The following TCF4 variants were observed in gnomAD, a reference collection of about 807,000 sequenced individuals.
The protein encoded by TCF4 is transcription factor 4.
A neutral mutation model predicts 82.1 loss-of-function variants in TCF4; 3 were observed. That is an observed-to-expected ratio of 0.04 (90% CI 0.02 to 0.09). The LOEUF (loss-of-function observed/expected upper bound fraction) is 0.09, where lower values mean the gene tolerates loss of function less well. Among genes scored for constraint, TCF4 ranks in the 10% least tolerant of loss-of-function variants. The pLI, the probability that TCF4 is intolerant of heterozygous loss-of-function variation, is 1.00. For missense variants in TCF4, 518 were observed against 852.7 expected, an observed-to-expected ratio of 0.61 and a Z score of 4.89; for synonymous variants, 276 against 309.6, an observed-to-expected ratio of 0.89 and a Z score of 1.14.
intron 3 of TCF4, among the ~76,000 whole-genome samples, chr18:55,490,883 A>G (rs1446253134): frequency 2.6e-5 from 4 of 152,244 alleles, no homozygotes. Context: ...TAGAAAAGGA[A>G]TGACTGAGAA....
chr18:55,388,893 G>A (rs2092826166), intron 6 of TCF4, among the ~76,000 whole-genome samples: 1 of 152,094 alleles, frequency 6.6e-6, no homozygotes. Flanking sequence ...GGAGGCCGAG[G>A]CGGGTGGATC....
intron 2 of TCF4, among the ~76,000 whole-genome samples, chr18:55,604,219 GT>G (rs1470383541): frequency 7.4e-5 from 11 of 147,806 alleles, no homozygotes; most frequent in Middle Eastern, 3.4e-3. Flanking sequence ...CACTTCATCA[GT>G]TTTTTGTTTT....
chr18:55,558,267 A>G (rs886636016), intron 3 of TCF4, among the ~76,000 whole-genome samples: 3 of 152,154 alleles, frequency 2.0e-5, no homozygotes, highest in African/African-American at 7.2e-5. Context: ...TTGTATCTCC[A>G]ACCAAAATGT....
At chr18:55,524,066 A>C (rs2096956895) in intron 3 of TCF4, among the ~76,000 whole-genome samples, 1 of 152,158 alleles carries the variant, frequency 6.6e-6, no homozygotes, top group African/African-American at 2.4e-5. Flanking sequence ...ATATTTACAT[A>C]GAAAAGGTCA....
intron 8 of TCF4, among the ~76,000 whole-genome samples, chr18:55,346,000 T>C (rs970555119): frequency 6.6e-6 from 1 of 152,156 alleles, no homozygotes; most frequent in Non-Finnish European, 1.5e-5. Context: ...TTTTAAATTG[T>C]TTGTGATTTC....
intron 3 of TCF4, among the ~76,000 whole-genome samples, chr18:55,547,371 T>G (rs767288093): frequency 2.0e-5 from 3 of 152,220 alleles, no homozygotes; most frequent in Non-Finnish European, 4.4e-5. Context: ...AGCCATGTTA[T>G]ATTTACAATA....
intron 6 of TCF4, among the ~76,000 whole-genome samples, chr18:55,362,411 AAGGAAGGAAGGAAGGAAGGAAGG>A (rs2085614261): frequency 7.1e-6 from 1 of 140,732 alleles, no homozygotes; most frequent in African/African-American, 2.7e-5. Flanking sequence ...GGAAGGAAGG[AAGGAAGGAAGGAAGGAAGGAAGG>A]AAAAAAAAAA....
At chr18:55,384,311 T>C (rs1353986822) in intron 6 of TCF4, 1 of 152,174 alleles carries the variant, frequency 6.6e-6, no homozygotes, top group East Asian at 1.9e-4. Context: ...TGAGCGGCAG[T>C]GGAGGTGACA....
At chr18:55,458,475 C>T (rs984238763) in intron 5 of TCF4, among the ~76,000 whole-genome samples, 9 of 152,138 alleles carry the variant, frequency 5.9e-5, no homozygotes, top group African/African-American at 2.2e-4. Context: ...TTCAAACTGT[C>T]CCCTACACCA....
At chr18:55,344,440 G>T (rs2080715563) in intron 8 of TCF4, among the ~76,000 whole-genome samples, 1 of 152,062 alleles carries the variant, frequency 6.6e-6, no homozygotes, top group Admixed American at 6.6e-5. Flanking sequence ...AAGCAGCCCT[G>T]CAGTGGTTTC....
chr18:55,504,804 T>C (rs529495734), intron 3 of TCF4, among the ~76,000 whole-genome samples: 3 of 152,188 alleles, frequency 2.0e-5, no homozygotes, highest in East Asian at 3.9e-4. Context: ...TAAAAACCAA[T>C]CGAAGTATTA....
chr18:55,333,385 T>C (rs2077981892), intron 8 of TCF4, among the ~76,000 whole-genome samples: 1 of 151,932 alleles, frequency 6.6e-6, no homozygotes, highest in Non-Finnish European at 1.5e-5. Context: ...ATACAGTGTA[T>C]AAAAATAGAC....
At chr18:55,413,195 TAA>T (rs1360848871) in intron 5 of TCF4, among the ~76,000 whole-genome samples, 3 of 152,190 alleles carry the variant, frequency 2.0e-5, no homozygotes, top group Admixed American at 6.5e-5. Flanking sequence ...CACACATATA[TAA>T]GTGACATTTT....
chr18:55,457,328 T>C (rs1369891860), intron 5 of TCF4, among the ~76,000 whole-genome samples: 2 of 152,246 alleles, frequency 1.3e-5, no homozygotes, highest in Admixed American at 1.3e-4. Context: ...TTAAGTCTTC[T>C]AGCATGATAC....
intron 15 of TCF4, among the ~76,000 whole-genome samples, chr18:55,247,679 G>A (rs2053704051): frequency 6.6e-6 from 1 of 152,156 alleles, no homozygotes. Flanking sequence ...TGCTAAACTA[G>A]GGAGAATGCA....
intron 3 of TCF4, among the ~76,000 whole-genome samples, chr18:55,563,400 G>A (rs530596106): frequency 1.3e-5 from 2 of 152,214 alleles, no homozygotes; most frequent in South Asian, 4.1e-4. Context: ...TCAAAGGGAT[G>A]CTCAGAAAAA....
chr18:55,550,111 A>G (rs2097247729), intron 3 of TCF4: 1 of 152,192 alleles, frequency 6.6e-6, no homozygotes, highest in Non-Finnish European at 1.5e-5. Context: ...ATATCTCGTG[A>G]TTTCTAGAAA....
chr18:55,580,954 G>A (rs961128181), intron 3 of TCF4, among the ~76,000 whole-genome samples: 3 of 151,956 alleles, frequency 2.0e-5, no homozygotes, highest in African/African-American at 4.8e-5. Context: ...AATACAACAG[G>A]TATAAGGTAC....
chr18:55,325,486 C>T (rs1416182487), intron 8 of TCF4, among the ~76,000 whole-genome samples: 2 of 152,022 alleles, frequency 1.3e-5, no homozygotes, highest in South Asian at 2.1e-4. Context: ...TGCAAATAAA[C>T]CTAATGAACA....
Sources: allele counts gnomAD v4.1 joint callset (sites outside exome capture counted in the v4.1 genomes callset), GRCh38; gene constraint gnomAD v4.1.1; transcripts MANE v1.5; gene names NCBI Gene and HGNC (gene_info 2026-07-23, HGNC 2026-07-21).